MICAL2: variants seen among roughly 807,000 people sequenced by gnomAD.
MICAL2 encodes microtubule associated monooxygenase, calponin and LIM domain containing 2, also known as [F-actin]-monooxygenase MICAL2.
In MICAL2, 77 loss-of-function variants were observed where a neutral mutation model predicts 127.3. That is an observed-to-expected ratio of 0.60 (90% confidence interval 0.50 to 0.73). The LOEUF (loss-of-function observed/expected upper bound fraction) is 0.73. MICAL2 is among the 30% of genes least tolerant of loss of function. MICAL2 has a pLI of 0.00. For synonymous variants in MICAL2, 570 were observed against 551.1 expected (o/e 1.03, Z -0.48); for missense variants, 1,351 against 1,434.4 (o/e 0.94, Z 0.94).
At chr11:12,349,026 G>C (rs1939001450) in intron 32 of MICAL2, among the ~76,000 whole-genome samples, 1 of 152,176 alleles carries the variant, frequency 6.6e-6, no homozygotes, top group South Asian at 2.1e-4. Flanking sequence ...TGTCTGCCTT[G>C]TTTTCCCCTC....
chr11:12,313,961 ATT>A (rs60681621), intron 29 of MICAL2, among the ~76,000 whole-genome samples: 953 of 43,778 alleles, frequency 0.022, 22 homozygotes, highest in African/African-American at 0.083. Context: ...TCTTGGTCTG[ATT>A]TTTTTTTTTT....
At chr11:12,226,077 T>A in intron 13 of MICAL2, 94 bp from the exon 14 acceptor site, 15 of 1,210,250 alleles carry the variant, frequency 1.2e-5, no homozygotes, top group African/African-American at 1.5e-5. Flanking sequence ...TGGCAGAGTG[T>A]CACCCTCAGT....
intron 32 of MICAL2, among the ~76,000 whole-genome samples, chr11:12,340,059 G>A (rs937417555): frequency 1.4e-4 from 21 of 152,146 alleles, no homozygotes; most frequent in African/African-American, 5.1e-4. Flanking sequence ...AGCCATCTTG[G>A]CTCTACCTTC....
intron 26 of MICAL2, 53 bp downstream of exon 26, chr11:12,259,950 G>C: frequency 6.3e-7 from 1 of 1,593,006 alleles, no homozygotes. Flanking sequence ...TCAGGCTGCC[G>C]AGGGACCTGT....
intron 2 of MICAL2, among the ~76,000 whole-genome samples, chr11:12,160,816 C>G (rs1226452008): frequency 6.6e-6 from 1 of 152,226 alleles, no homozygotes. Flanking sequence ...ATTCCCGGCC[C>G]CTTGAGTGGT....
At chr11:12,274,088 T>C (rs931965688), upstream of MICAL2, among the ~76,000 whole-genome samples, 1 of 152,102 alleles carries the variant, frequency 6.6e-6, no homozygotes, top group East Asian at 1.9e-4. Context: ...TTTCAGCATA[T>C]TTAAATATAG....
At chr11:12,348,752 T>C (rs1278319063) in intron 32 of MICAL2, among the ~76,000 whole-genome samples, 1 of 152,202 alleles carries the variant, frequency 6.6e-6, no homozygotes, top group Non-Finnish European at 1.5e-5. Flanking sequence ...ACTGTGAACT[T>C]GGGCAAGTTT....
At chr11:12,136,415 G>A (rs1465108655) in intron 1 of MICAL2, among the ~76,000 whole-genome samples, 1 of 152,150 alleles carries the variant, frequency 6.6e-6, no homozygotes, top group Non-Finnish European at 1.5e-5. Context: ...GTCTTACAGG[G>A]TTGCTGGGAG....
intron 3 of MICAL2, among the ~76,000 whole-genome samples, chr11:12,186,499 A>T (rs981743714): frequency 1.3e-5 from 2 of 152,142 alleles, no homozygotes; most frequent in Non-Finnish European, 2.9e-5. Flanking sequence ...CCCCTTTAAG[A>T]TTATTTATCC....
At chr11:12,293,538 C>T (rs778186480), downstream of MICAL2, 16 of 1,550,394 alleles carry the variant, frequency 1.0e-5, no homozygotes, top group Middle Eastern at 3.5e-4. Flanking sequence ...TAAATAACTG[C>T]TATTTTTGCC....
chr11:12,123,430 T>C (rs2133485712), intron 1 of MICAL2, among the ~76,000 whole-genome samples: 1 of 152,340 alleles, frequency 6.6e-6, no homozygotes, highest in East Asian at 1.9e-4. Context: ...ACACCCATTA[T>C]GTCAGTTCTG....
intron 1 of MICAL2, among the ~76,000 whole-genome samples, chr11:12,123,064 C>CT (rs1444298298): frequency 6.6e-6 from 1 of 152,058 alleles, no homozygotes; most frequent in African/African-American, 2.4e-5. Context: ...AATCAAATCT[C>CT]TAACACCATC....
intron 32 of MICAL2, among the ~76,000 whole-genome samples, chr11:12,329,678 A>G (rs1864392265): frequency 6.6e-6 from 1 of 152,174 alleles, no homozygotes; most frequent in Non-Finnish European, 1.5e-5. Flanking sequence ...CAAAGTCTCT[A>G]CCGGAGTATT....
chr11:12,247,731 C>T lies in MICAL2; in HGVS notation c.2785-1453C>T, dbSNP rs189936287. On this transcript the variant is annotated intron_variant, in intron 21 of 27. Transcript: ENST00000683283. ...CATGCAGAATTTGGCAGAATCACAA[C>T]CACCTCTAGGGAGAGAACTGGCTGT... Among the ~76,000 whole-genome samples, 6 of 152,324 alleles carry T rather than the reference C, an allele frequency of 3.9e-5. No individual in the cohort carries two copies. The East Asian group carries it at 1.2e-3, about 29-fold the overall frequency.
intron 18 of MICAL2, 36 bp from the exon 19 acceptor site, chr11:12,242,178 A>T: frequency 6.5e-7 from 1 of 1,540,434 alleles, no homozygotes; most frequent in Non-Finnish European, 8.8e-7. Flanking sequence ...AAAGGGCCGC[A>T]GTAGGGAAGG....
intron 3 of MICAL2, among the ~76,000 whole-genome samples, chr11:12,198,275 G>A (rs1308856706): frequency 6.6e-6 from 1 of 152,224 alleles, no homozygotes; most frequent in African/African-American, 2.4e-5. Context: ...CAGGGTTACT[G>A]TAAGAATCAA....
chr11:12,336,193 G>T (rs1334051867), intron 32 of MICAL2, among the ~76,000 whole-genome samples: 4 of 152,082 alleles, frequency 2.6e-5, no homozygotes, highest in Non-Finnish European at 4.4e-5. Flanking sequence ...GGATTCCTAG[G>T]TATTTTATTC....
chr11:12,183,768 T>G (rs1857788737), intron 3 of MICAL2, among the ~76,000 whole-genome samples: 1 of 152,172 alleles, frequency 6.6e-6, no homozygotes, highest in African/African-American at 2.4e-5. Flanking sequence ...TGCATCCCAC[T>G]TATGGCTGTG....
intron 30 of MICAL2, among the ~76,000 whole-genome samples, chr11:12,323,309 C>G (rs996530978): frequency 6.6e-6 from 1 of 152,182 alleles, no homozygotes; most frequent in African/African-American, 2.4e-5. Context: ...GAAGCAATCT[C>G]ATGCTTCCCT....
Sources: allele counts gnomAD v4.1 joint callset (sites outside exome capture counted in the v4.1 genomes callset), GRCh38; gene constraint gnomAD v4.1.1; transcripts MANE v1.5; gene names NCBI Gene and HGNC (gene_info 2026-07-23, HGNC 2026-07-21).